Variants in SHTN1 observed in about 807,000 individuals in gnomAD.
SHTN1 encodes shootin-1.
In SHTN1, 42 loss-of-function variants were observed where a neutral mutation model predicts 83.1. The observed-to-expected ratio is 0.51, with a 90% confidence interval of 0.39 to 0.65. The LOEUF is 0.65. SHTN1 is among the 30% of genes least tolerant of loss of function. The probability of loss-of-function intolerance (pLI) is 0.00; values close to 1 mark genes in which losing one functional copy is unlikely to be tolerated. For synonymous variants in SHTN1, 224 were observed against 247.7 expected (o/e 0.90, Z 0.90); for missense variants, 622 against 737.8 (o/e 0.84, Z 1.82).
chr10:117,088,317 CT>C (rs1477397833), intron 1 of SHTN1, among the ~76,000 whole-genome samples: 4 of 152,128 alleles, frequency 2.6e-5, no homozygotes, highest in Non-Finnish European at 4.4e-5. Flanking sequence ...CATTTAGTAC[CT>C]TTTATTCATA....
intron 11 of SHTN1, 27 bp downstream of exon 11, chr10:116,927,765 C>T: frequency 6.7e-7 from 1 of 1,499,626 alleles, no homozygotes; most frequent in South Asian, 1.4e-5. Context: ...ACATTTGATG[C>T]AGAGCAGTCT....
At chr10:117,021,848 T>G (rs1432988880) in intron 2 of SHTN1, among the ~76,000 whole-genome samples, 4 of 152,210 alleles carry the variant, frequency 2.6e-5, no homozygotes, top group Non-Finnish European at 5.9e-5. Context: ...ATGTAGCAAT[T>G]TGGCTGTGGT....
At chr10:116,953,578 C>T (rs1849851707) in intron 5 of SHTN1, among the ~76,000 whole-genome samples, 1 of 146,528 alleles carries the variant, frequency 6.8e-6, no homozygotes, top group Admixed American at 6.9e-5. Context: ...TATGGTGTAG[C>T]AAAATTTTGG....
intron 2 of SHTN1, among the ~76,000 whole-genome samples, chr10:117,017,500 A>AAC (rs1318726240): frequency 6.6e-6 from 1 of 151,688 alleles, no homozygotes; most frequent in Non-Finnish European, 1.5e-5. Flanking sequence ...CAAAAAAAAA[A>AAC]AAAAAAATTA....
rs1298138118 is a variant in SHTN1 at position 116,953,618 on chromosome 10, GTTTT to G, written c.436+420_436+423del. Among the ~76,000 whole-genome samples, 813 of 81,994 alleles carry G rather than the reference GTTTT, an allele frequency of 9.9e-3. 3 individuals carry two copies. Among genetic ancestry groups the G allele is most frequent in the South Asian group, 0.041 (78 of 1,884 alleles). 53.8% of individuals were successfully genotyped at this position (81,994 alleles called of 152,430 possible). On this transcript the variant is annotated intron_variant, in intron 5 of 16. Coordinates refer to ENST00000355371, the MANE Select transcript of SHTN1 (RefSeq NM_001127211.3). Reference sequence around the variant, plus strand: ...GGTAGGACCCAGGCATCAGTTTTGTGTTTTGTTTTTTTTTTTTTTTTTTTTTTGA... The same window carrying G: ...GGTAGGACCCAGGCATCAGTTTTGTGGTTTTTTTTTTTTTTTTTTTTTTGA...
intron 1 of SHTN1, among the ~76,000 whole-genome samples, chr10:117,048,894 T>C (rs191543725): frequency 7.2e-5 from 11 of 152,282 alleles, no homozygotes; most frequent in Admixed American, 3.9e-4. Flanking sequence ...GACAGTGAGA[T>C]TGAGGCAAAA....
intron 1 of SHTN1, among the ~76,000 whole-genome samples, chr10:117,070,875 A>T (rs1853070289): frequency 6.6e-6 from 1 of 151,910 alleles, no homozygotes; most frequent in Non-Finnish European, 1.5e-5. Context: ...GGGGCATTAA[A>T]CCCAGAAGAG....
intron 1 of SHTN1, among the ~76,000 whole-genome samples, chr10:117,056,985 T>G (rs1852834110): frequency 6.6e-6 from 1 of 152,172 alleles, no homozygotes; most frequent in Admixed American, 6.5e-5. Context: ...TCTCATCACT[T>G]CAATTCAGCA....
At chr10:116,907,059 C>T (rs1435959377) in intron 14 of SHTN1, among the ~76,000 whole-genome samples, 2 of 152,066 alleles carry the variant, frequency 1.3e-5, no homozygotes, top group African/African-American at 4.8e-5. Context: ...ACGATTAAGA[C>T]GTGATGTGTG....
chr10:116,957,543 C>T (rs1019164970), intron 4 of SHTN1, among the ~76,000 whole-genome samples: 2 of 151,570 alleles, frequency 1.3e-5, no homozygotes, highest in Admixed American at 1.3e-4. Flanking sequence ...CGTGAGCCAC[C>T]GTGCCCAGCC....
At position 117,020,514 on chromosome 10, in the gene SHTN1, A is replaced by AC. The variant is rs56995452; in HGVS notation, c.-123+27930dup. 1.4e-3 allele frequency among the ~76,000 whole-genome samples: 206 copies of AC among 147,962 alleles called. 3 individuals are homozygous for AC. The highest frequency in any genetic ancestry group is 6.4e-3 in the South Asian group (30 of 4,688). On this transcript the variant is annotated intron_variant, in intron 2 of 17. Transcript: ENST00000392901. ...GACTCCGTCTCAAAAAAAAAAAAAA[A>AC]CCCACACTTATAAAGTCATCTTATT...
chr10:117,032,698 A>G (rs1188797728), intron 2 of SHTN1, among the ~76,000 whole-genome samples: 1 of 152,178 alleles, frequency 6.6e-6, no homozygotes. Flanking sequence ...GACCCAATGG[A>G]TATTTACAGA....
At chr10:117,023,564 T>TA (rs1220728495) in intron 2 of SHTN1, 1 of 152,770 alleles carries the variant, frequency 6.5e-6, no homozygotes, top group Admixed American at 6.5e-5. Context: ...TACACCTACT[T>TA]AAAGTTTTAG....
intron 1 of SHTN1, among the ~76,000 whole-genome samples, chr10:117,070,681 C>T (rs1038985804): frequency 6.6e-6 from 1 of 151,212 alleles, no homozygotes; most frequent in Non-Finnish European, 1.5e-5. Flanking sequence ...GCCTGACTTG[C>T]ATCCACTCAG....
At chr10:116,982,683 G>A (rs529355041) in intron 1 of SHTN1, among the ~76,000 whole-genome samples, 59 of 152,276 alleles carry the variant, frequency 3.9e-4, no homozygotes, top group Admixed American at 6.5e-4. Flanking sequence ...CTGGCCGGGC[G>A]CAGTGGCTCA....
intron 1 of SHTN1, among the ~76,000 whole-genome samples, chr10:116,980,560 C>T (rs1260330087): frequency 6.7e-6 from 1 of 149,024 alleles, no homozygotes; most frequent in East Asian, 1.9e-4. Flanking sequence ...AAAAAAAAAA[C>T]CCTCAGTTTT....
chr10:117,052,730 T>C (rs1225296106), intron 1 of SHTN1, among the ~76,000 whole-genome samples: 1 of 151,788 alleles, frequency 6.6e-6, no homozygotes. Flanking sequence ...TGTAAAAGAA[T>C]TAAGTTGGGC....
At chr10:116,897,119 G>T (rs1298474357) in intron 16 of SHTN1, among the ~76,000 whole-genome samples, 2 of 152,070 alleles carry the variant, frequency 1.3e-5, no homozygotes, top group Non-Finnish European at 2.9e-5. Context: ...CCTGGCCTGT[G>T]ATCAGGTACT....
intron 16 of SHTN1, chr10:116,900,251 T>C (rs1334044157): frequency 1.0e-5 from 4 of 382,302 alleles, no homozygotes; most frequent in African/African-American, 2.0e-5. Flanking sequence ...TCCACAGTAT[T>C]TGTATTAGAG....
Sources: gnomAD v4.1 joint callset for allele counts (sites outside exome capture counted in the v4.1 genomes callset) on GRCh38, gnomAD v4.1.1 for gene constraint, MANE v1.5 for transcripts, NCBI Gene and HGNC (gene_info 2026-07-23, HGNC 2026-07-21) for gene names.